Variants in KLRG2 observed in about 807,000 individuals in gnomAD.
KLRG2 encodes killer cell lectin-like receptor subfamily G member 2.
A neutral mutation model predicts 35.4 loss-of-function variants in KLRG2; 39 were observed. The observed-to-expected ratio is 1.10, with a 90% CI of 0.85 to 1.44. The LOEUF is 1.44. Among genes scored for constraint, KLRG2 ranks in the 40% most tolerant of loss-of-function variants. KLRG2 has a pLI of 0.00. For synonymous variants in KLRG2, 283 were observed against 265.8 expected (o/e 1.06, Z -0.63); for missense variants, 632 against 570.9 (o/e 1.11, Z -1.09).
intron 3 of KLRG2, among the ~76,000 whole-genome samples, chr7:139,468,650 G>A (rs912123156): frequency 5.9e-5 from 9 of 152,220 alleles, no homozygotes; most frequent in African/African-American, 2.2e-4. Flanking sequence ...ACGGACGTGA[G>A]TGAAAAGGAT....
chr7:139,457,013 T>A (rs1796489107), intron 3 of KLRG2, among the ~76,000 whole-genome samples: 1 of 152,198 alleles, frequency 6.6e-6, no homozygotes, highest in African/African-American at 2.4e-5. Flanking sequence ...AAACCCATCT[T>A]CTGCCCCTCA....
chr7:139,434,160 C>T, the KLRG2 span, among the ~76,000 whole-genome samples: 1 of 152,154 alleles, frequency 6.6e-6, no homozygotes, highest in Non-Finnish European at 1.5e-5. Context: ...AGAAGCAAGC[C>T]GTGAGAATCA....
At chr7:139,468,519 T>C (rs1249071074) in intron 3 of KLRG2, among the ~76,000 whole-genome samples, 2 of 152,104 alleles carry the variant, frequency 1.3e-5, no homozygotes, top group Non-Finnish European at 2.9e-5. Context: ...ACCCAAATCC[T>C]ATAAAATGGC....
chr7:139,454,863 ATAACACACGCAG>A (rs1288322736), intron 3 of KLRG2, among the ~76,000 whole-genome samples: 1 of 136,990 alleles, frequency 7.3e-6, no homozygotes, highest in East Asian at 2.1e-4. Context: ...AATAATAATA[ATAACACACGCAG>A]ATGTGCAGGA....
rs1403547678 is a variant in KLRG2, at chr7:139,483,465, C to A, written c.178G>T (p.Ala60Ser). ...TTCTTGCTCGAGGGCTCCAGGCCTGCGCCCGCCGCCTTCTCCACGGCCCCG... is the reference window on the plus strand; with the variant it reads ...TTCTTGCTCGAGGGCTCCAGGCCTGAGCCCGCCGCCTTCTCCACGGCCCCG... ...PAGAVEKAAGAGLEPSSKKKP... is the reference protein window; with the variant it reads ...PAGAVEKAAGSGLEPSSKKKP... The change falls in exon 1 of 5, where the codon GCA becomes TCA. Residue 60 changes from alanine to serine, a missense_variant. Ala to Ser is a moderately conservative substitution (Grantham distance 99, BLOSUM62 1). Coordinates refer to ENST00000340940, the MANE Select transcript of KLRG2 (RefSeq NM_198508.4). 8 of 1,590,534 alleles carry A rather than the reference C, an allele frequency of 5.0e-6. No individual in the cohort carries two copies. The highest frequency in any genetic ancestry group is 6.8e-6 in the Non-Finnish European group (8 of 1,176,334).
chr7:139,478,507 T>C (rs1448647948), intron 3 of KLRG2, among the ~76,000 whole-genome samples: 1 of 151,658 alleles, frequency 6.6e-6, no homozygotes, highest in Non-Finnish European at 1.5e-5. Context: ...CCATCTCTAC[T>C]AAAAATACAA....
chr7:139,446,530 G>A, the KLRG2 span, among the ~76,000 whole-genome samples: 3 of 150,800 alleles, frequency 2.0e-5, no homozygotes, highest in Non-Finnish European at 3.0e-5. Context: ...TTTGTATTAC[G>A]GAGTTTTGCC....
At chr7:139,452,040 C>T (rs1001287744), downstream of KLRG2, among the ~76,000 whole-genome samples, 2 of 148,164 alleles carry the variant, frequency 1.3e-5, no homozygotes, top group African/African-American at 2.5e-5. Flanking sequence ...ACAATCTCGG[C>T]TCACTGCAAC....
chr7:139,464,077 C>T (rs181545758), intron 3 of KLRG2, among the ~76,000 whole-genome samples: 14 of 152,296 alleles, frequency 9.2e-5, no homozygotes, highest in Admixed American at 9.2e-4. Context: ...AAATTATCTG[C>T]TTCCCTGACT....
At chr7:139,443,976 G>A in the KLRG2 span, among the ~76,000 whole-genome samples, 35 of 152,298 alleles carry the variant, frequency 2.3e-4, no homozygotes, top group Admixed American at 2.1e-3. Flanking sequence ...TGTGGCCAAA[G>A]GCCTGAGAGC....
intron 3 of KLRG2, among the ~76,000 whole-genome samples, chr7:139,478,260 G>C (rs1796888978): frequency 6.6e-6 from 1 of 151,868 alleles, no homozygotes; most frequent in African/African-American, 2.4e-5. Context: ...TTGCTATTCA[G>C]GAGGCTGAGG....
Position 139,483,242 on chromosome 7 carries a change from C to A in KLRG2, c.401G>T (p.Gly134Val). 6.5e-7 allele frequency: 1 copy of A among 1,548,932 alleles called. No homozygotes were observed. The highest frequency in any genetic ancestry group is 2.5e-5 in the East Asian group (1 of 39,722). ...TGGCGTGCTGCTGCCACCGGCCGCG[C>A]CCACGGGCTTCACGCGCACATCTAC... ...LQVDVRVKPV[G>V]AAGGSSTPSP... Residue 134 changes from glycine (G) to valine (V), a missense_variant, in exon 1 of 5, where the codon GGC becomes GTC. By Grantham distance (109) the Gly-to-Val change is moderately radical (BLOSUM62 -3). Transcript: ENST00000340940.
At chr7:139,442,708 A>G in the KLRG2 span, among the ~76,000 whole-genome samples, 1 of 152,314 alleles carries the variant, frequency 6.6e-6, no homozygotes, top group South Asian at 2.1e-4. Flanking sequence ...TTAGCCAGGC[A>G]TTGTGGCACA....
chr7:139,446,499 G>A, the KLRG2 span, among the ~76,000 whole-genome samples: 165 of 151,946 alleles, frequency 1.1e-3, no homozygotes, highest in Non-Finnish European at 2.0e-3. Context: ...ACAGGTGACT[G>A]CCACCATCCC....
At chr7:139,458,285 G>A (rs568553736) in intron 3 of KLRG2, among the ~76,000 whole-genome samples, 38 of 152,066 alleles carry the variant, frequency 2.5e-4, no homozygotes, top group South Asian at 4.2e-4. Context: ...GGCTGAGGCC[G>A]AAGGATGGCT....
intron 3 of KLRG2, among the ~76,000 whole-genome samples, chr7:139,459,729 G>C (rs184526342): frequency 2.6e-5 from 4 of 152,176 alleles, no homozygotes; most frequent in Admixed American, 2.0e-4. Flanking sequence ...ACAGTAATCT[G>C]TGCTCACTGA....
intron 3 of KLRG2, among the ~76,000 whole-genome samples, chr7:139,476,174 A>G (rs1469126399): frequency 6.6e-6 from 1 of 152,170 alleles, no homozygotes; most frequent in Non-Finnish European, 1.5e-5. Context: ...AGGCTGAGGC[A>G]GGCGGATCGC....
At chr7:139,439,887 A>T in the KLRG2 span, among the ~76,000 whole-genome samples, 138 of 147,148 alleles carry the variant, frequency 9.4e-4, no homozygotes, top group Admixed American at 1.4e-3. Context: ...AAAAACAATT[A>T]AAAAAAACCA....
intron 1 of KLRG2, 48 bp from the exon 2 acceptor site, chr7:139,480,295 A>G: frequency 9.6e-7 from 1 of 1,038,386 alleles, no homozygotes; most frequent in South Asian, 1.3e-5. Flanking sequence ...GACCATCCCA[A>G]CCAACCCAAC....
Sources: allele counts gnomAD v4.1 joint callset (sites outside exome capture counted in the v4.1 genomes callset), GRCh38; gene constraint gnomAD v4.1.1; transcripts MANE v1.5; gene names NCBI Gene and HGNC (gene_info 2026-07-23, HGNC 2026-07-21).